The following TANK variants were observed in gnomAD, a reference collection of about 807,000 sequenced individuals.
The protein encoded by TANK is TRAF family member associated NFKB activator, also known as TRAF family member-associated NF-kappa-B activator.
A neutral mutation model predicts 43.6 loss-of-function variants in TANK; 15 were observed. The observed-to-expected ratio is 0.34, with a 90% CI of 0.23 to 0.53. The LOEUF (loss-of-function observed/expected upper bound fraction) is 0.53, where lower values mean the gene tolerates loss of function less well. Among genes scored for constraint, TANK ranks in the 20% least tolerant of loss-of-function variants. TANK has a pLI of 0.94. For missense variants in TANK, 417 were observed against 498.6 expected, an observed-to-expected ratio of 0.84 and a Z score of 1.56; for synonymous variants, 162 against 178.2, an observed-to-expected ratio of 0.91 and a Z score of 0.73.
intron 2 of TANK, among the ~76,000 whole-genome samples, chr2:161,188,868 T>C (rs897411721): frequency 1.3e-5 from 2 of 152,208 alleles, no homozygotes; most frequent in African/African-American, 4.8e-5. Context: ...CTGCCCCCCA[T>C]GGGCATAATT....
In TANK at chr2:161,211,972, G is replaced by A; in HGVS notation, c.327+7179G>A. The A allele has an allele frequency of 5.3e-6, 5 of 950,360 alleles. No individual in the cohort carries two copies. The South Asian group carries it at 1.5e-4, about 28-fold the overall frequency. 58.9% of individuals were successfully genotyped at this position (950,360 alleles called of 1,614,324 possible). A position where few individuals can be genotyped will look rare whatever the true frequency, so the allele number is the denominator to read the frequency against. Reference sequence around the variant, plus strand: ...GACTAGCCTTTTTTATAGACTTTCTGGTAGAATGTTAATTAGAAAGGAAAA... The same window carrying A: ...GACTAGCCTTTTTTATAGACTTTCTAGTAGAATGTTAATTAGAAAGGAAAA... On this transcript the variant is annotated intron_variant, in intron 4 of 7. Transcript: ENST00000392749.
chr2:161,171,644 T>C (rs1330442768), intron 1 of TANK, among the ~76,000 whole-genome samples: 2 of 152,186 alleles, frequency 1.3e-5, no homozygotes, highest in African/African-American at 4.8e-5. Flanking sequence ...AAAGAGAAAT[T>C]AGGCCCTTTT....
chr2:161,172,950 T>C (rs1013234283), intron 1 of TANK, among the ~76,000 whole-genome samples: 1 of 152,206 alleles, frequency 6.6e-6, no homozygotes, highest in Non-Finnish European at 1.5e-5. Context: ...TCTCCCTCGC[T>C]AGTTTGTAGT....
At chr2:161,200,975 A>G (rs1686381682) in intron 2 of TANK, 1 of 338,358 alleles carries the variant, frequency 3.0e-6, no homozygotes, top group African/African-American at 2.2e-5. Context: ...ACTCTGTAAT[A>G]CTCTGGAGAT....
intron 1 of TANK, among the ~76,000 whole-genome samples, chr2:161,166,673 A>G (rs1324048183): frequency 6.6e-6 from 1 of 152,088 alleles, no homozygotes; most frequent in Non-Finnish European, 1.5e-5. Context: ...TATAATCTCA[A>G]CTACTCAGAA....
At chr2:161,149,182 G>C (rs1369520535) in intron 1 of TANK, among the ~76,000 whole-genome samples, 1 of 152,058 alleles carries the variant, frequency 6.6e-6, no homozygotes. Flanking sequence ...ATGTTTTGTA[G>C]TTTTCAGTCT....
intron 1 of TANK, among the ~76,000 whole-genome samples, chr2:161,149,564 A>T (rs1304329030): frequency 6.6e-6 from 1 of 152,136 alleles, no homozygotes; most frequent in African/African-American, 2.4e-5. Flanking sequence ...TCTTGTTCCT[A>T]ATCCTAGGGA....
At chr2:161,161,076 C>A in intron 1 of TANK, 1 of 834,590 alleles carries the variant, frequency 1.2e-6, no homozygotes, top group Non-Finnish European at 1.8e-6. Flanking sequence ...AGAAGCCAAC[C>A]CCGCCCACAG....
upstream of TANK, among the ~76,000 whole-genome samples, chr2:161,157,191 C>G (rs13422352): frequency 0.042 from 6,397 of 152,170 alleles, 402 homozygotes; most frequent in African/African-American, 0.14. Flanking sequence ...TGCCTTCCAA[C>G]AAAAAAGTAC....
chr2:161,212,185 C>T (rs1220848629), intron 4 of TANK: 7 of 309,584 alleles, frequency 2.3e-5, no homozygotes, highest in Non-Finnish European at 2.8e-5. Context: ...CTCAGCCTCC[C>T]GAATAGCTGG....
At chr2:161,230,355 T>TA (rs1467071626) in intron 6 of TANK, among the ~76,000 whole-genome samples, 3 of 152,134 alleles carry the variant, frequency 2.0e-5, no homozygotes, top group East Asian at 1.9e-4. Context: ...AGGTCTTTTT[T>TA]AAAAAAAGAT....
At chr2:161,181,648 C>G (rs1158442648) in intron 2 of TANK, among the ~76,000 whole-genome samples, 1 of 152,054 alleles carries the variant, frequency 6.6e-6, no homozygotes, top group Non-Finnish European at 1.5e-5. Flanking sequence ...CTTTTAGCAT[C>G]AAATCTCATG....
chr2:161,205,513 C>G (rs971084210), intron 4 of TANK, among the ~76,000 whole-genome samples: 2 of 152,022 alleles, frequency 1.3e-5, no homozygotes, highest in Admixed American at 6.6e-5. Context: ...AAGAAAAATA[C>G]ACCCAACTAG....
Position 161,138,883 on chromosome 2 carries a change from T to C in TANK, c.-50+1820T>C, listed in dbSNP as rs548606437. Reference sequence around the variant, plus strand: ...AGAAACTTCCTGCCTGAATATTCTATTAATATGTCTTTAATGTATTAAGGC... The same window carrying C: ...AGAAACTTCCTGCCTGAATATTCTACTAATATGTCTTTAATGTATTAAGGC... On this transcript the variant is annotated intron_variant, in intron 1 of 7. Coordinates refer to the TANK transcript ENST00000259075. Among the ~76,000 whole-genome samples the C allele has an allele frequency of 3.3e-5, 5 of 152,366 alleles. No homozygotes were observed. The East Asian group carries it at 9.6e-4, about 29-fold the overall frequency.
At chr2:161,200,410 A>G (rs1435773520) in intron 2 of TANK, 14 of 981,810 alleles carry the variant, frequency 1.4e-5, no homozygotes, top group African/African-American at 1.8e-5. Flanking sequence ...CATTTAATCA[A>G]ATGAAAAAAA....
chr2:161,196,547 A>G (rs775890807), intron 2 of TANK, among the ~76,000 whole-genome samples: 7 of 152,066 alleles, frequency 4.6e-5, no homozygotes, highest in Non-Finnish European at 8.8e-5. Context: ...AAATCTTAAT[A>G]ATTAAGATTA....
At chr2:161,232,778 T>G in intron 7 of TANK, 1 of 1,550,594 alleles carries the variant, frequency 6.4e-7, no homozygotes, top group South Asian at 1.2e-5. Context: ...ATTGTACATT[T>G]GCTTTCTATA....
At chr2:161,191,582 TGA>T (rs532288796) in intron 2 of TANK, among the ~76,000 whole-genome samples, 52 of 152,316 alleles carry the variant, frequency 3.4e-4, no homozygotes, top group African/African-American at 1.2e-3. Context: ...GAAAATGAAG[TGA>T]GAGAGATGAA....
At chr2:161,212,417 A>G (rs1686935055) in intron 4 of TANK, 1 of 984,140 alleles carries the variant, frequency 1.0e-6, no homozygotes. Flanking sequence ...TAATAATTAC[A>G]TTGAAATTTT....
Sources: gnomAD v4.1 joint callset for allele counts (sites outside exome capture counted in the v4.1 genomes callset) on GRCh38, gnomAD v4.1.1 for gene constraint, MANE v1.5 for transcripts, NCBI Gene and HGNC (gene_info 2026-07-23, HGNC 2026-07-21) for gene names.